The following ADGRL2 variants were observed in gnomAD, a reference collection of about 807,000 sequenced individuals.
ADGRL2 encodes adhesion G protein-coupled receptor L2, also known as calcium-independent alpha-latrotoxin receptor 2.
ADGRL2 carries 44 observed loss-of-function variants against 157.4 expected under a neutral mutation model. The observed-to-expected ratio is 0.28, with a 90% CI of 0.22 to 0.36. ADGRL2 has a LOEUF of 0.36. Among genes scored for constraint, ADGRL2 ranks in the 10% least tolerant of loss-of-function variants. The probability of loss-of-function intolerance (pLI) is 1.00; values close to 1 mark genes in which losing one functional copy is unlikely to be tolerated. For missense variants in ADGRL2, 1,510 were observed against 1,768.9 expected (o/e 0.85, Z 2.63); for synonymous variants, 585 against 624.7 (o/e 0.94, Z 0.95).
chr1:81,620,359 G>T (rs2081764081), intron 3 of ADGRL2, among the ~76,000 whole-genome samples: 1 of 152,188 alleles, frequency 6.6e-6, no homozygotes, highest in Admixed American at 6.5e-5. Flanking sequence ...AGCATATGAA[G>T]TACATGGTTT....
chr1:81,668,625 G>A (rs2082802879), intron 3 of ADGRL2, among the ~76,000 whole-genome samples: 1 of 152,162 alleles, frequency 6.6e-6, no homozygotes, highest in South Asian at 2.1e-4. Flanking sequence ...GTGCAGTGGT[G>A]TGATCTTGGC....
At chr1:81,810,148 C>T (rs1243327744) in intron 1 of ADGRL2, among the ~76,000 whole-genome samples, 4 of 151,882 alleles carry the variant, frequency 2.6e-5, no homozygotes, top group African/African-American at 9.7e-5. Context: ...ATTCTGTTTT[C>T]TTCATAAAGT....
intron 2 of ADGRL2, among the ~76,000 whole-genome samples, chr1:81,454,548 T>A (rs1294370057): frequency 6.6e-6 from 1 of 152,178 alleles, no homozygotes; most frequent in African/African-American, 2.4e-5. Flanking sequence ...AGCAGAACAT[T>A]TCAGACTTAG....
chr1:81,940,071 T>C (rs1335024951), intron 4 of ADGRL2, among the ~76,000 whole-genome samples: 3 of 151,568 alleles, frequency 2.0e-5, no homozygotes, highest in East Asian at 1.9e-4. Context: ...CCTAACTACA[T>C]TGTAATTTTA....
intron 3 of ADGRL2, among the ~76,000 whole-genome samples, chr1:81,616,888 G>A (rs2081665793): frequency 6.6e-6 from 1 of 152,028 alleles, no homozygotes; most frequent in African/African-American, 2.4e-5. Context: ...ATTTTGCCCA[G>A]GCTGGTCGCA....
In ADGRL2 at chr1:81,409,065, G is replaced by A. The variant is rs564620303; in HGVS notation, c.-301-35971G>A. Among the ~76,000 whole-genome samples the A allele has an allele frequency of 5.3e-5, 8 of 152,160 alleles. No homozygotes were observed. In the East Asian group the frequency reaches 1.5e-3, roughly 29 times the overall value. Reference sequence around the variant, plus strand: ...TTCCATAGGCTTGTGTTAAAATATAGCACACACACACCTAATAATCTAATG... The same window carrying A: ...TTCCATAGGCTTGTGTTAAAATATAACACACACACACCTAATAATCTAATG... On this transcript the variant is annotated intron_variant, in intron 1 of 24. Coordinates refer to the ADGRL2 transcript ENST00000370721.
intron 1 of ADGRL2, among the ~76,000 whole-genome samples, chr1:81,318,656 G>A (rs1356721864): frequency 2.0e-5 from 3 of 151,916 alleles, no homozygotes; most frequent in Non-Finnish European, 4.4e-5. Flanking sequence ...ATGAATCCAG[G>A]GTTTCTTTAG....
At chr1:81,721,166 C>CCCG (rs1247437182) in intron 1 of ADGRL2, among the ~76,000 whole-genome samples, 4 of 150,968 alleles carry the variant, frequency 2.6e-5, no homozygotes, top group African/African-American at 9.7e-5. Context: ...GCCACCGCAC[C>CCCG]CCGCCAGATT....
At chr1:81,729,465 C>T (rs182734089) in intron 1 of ADGRL2, among the ~76,000 whole-genome samples, 3 of 152,258 alleles carry the variant, frequency 2.0e-5, no homozygotes, top group Non-Finnish European at 4.4e-5. Flanking sequence ...AAAAGAACTA[C>T]CTCTTGCAAT....
intron 1 of ADGRL2, among the ~76,000 whole-genome samples, chr1:81,712,615 G>A (rs2083967342): frequency 6.6e-6 from 1 of 152,138 alleles, no homozygotes; most frequent in African/African-American, 2.4e-5. Flanking sequence ...TAAGCCAGCT[G>A]TGTCTAACTG....
chr1:81,847,285 T>G (rs1443849958), intron 2 of ADGRL2, among the ~76,000 whole-genome samples: 1 of 151,936 alleles, frequency 6.6e-6, no homozygotes, highest in African/African-American at 2.4e-5. Flanking sequence ...CTTGTTAAAA[T>G]GTAGATTCTT....
Position 81,951,062 on chromosome 1 carries a change from C to T in ADGRL2, c.1549C>T (p.Pro517Ser). Residue 517 changes from proline to serine, a missense_variant, in exon 8 of 24, where the codon CCT (proline) becomes TCT (serine). By Grantham distance (74) the Pro-to-Ser change is moderately conservative. Coordinates refer to ENST00000686636, the MANE Select transcript of ADGRL2 (RefSeq NM_001366006.2). Reference protein sequence around the residue: ...LCMISTGTWNPKGPDLSNCTS... With the variant: ...LCMISTGTWNSKGPDLSNCTS... ...CATGATTTCCACTGGAACATGGAAC[C>T]CTAAGGGCCCCGATCTTAGCAACTG... 6.2e-7 allele frequency: 1 copy of T among 1,613,442 alleles called. No individual in the cohort carries two copies. Among genetic ancestry groups the T allele is most frequent in the Non-Finnish European group, 8.5e-7 (1 of 1,179,494 alleles).
At chr1:81,455,106 C>G (rs2077776838) in intron 2 of ADGRL2, among the ~76,000 whole-genome samples, 2 of 152,172 alleles carry the variant, frequency 1.3e-5, no homozygotes, top group Non-Finnish European at 2.9e-5. Context: ...AAGAGAGAAG[C>G]AAGTACTTTC....
chr1:81,823,740 A>G (rs2091217134), intron 1 of ADGRL2, among the ~76,000 whole-genome samples: 1 of 152,114 alleles, frequency 6.6e-6, no homozygotes, highest in Non-Finnish European at 1.5e-5. Context: ...AAGGAACAGT[A>G]GTTAGCCAAG....
intron 3 of ADGRL2, among the ~76,000 whole-genome samples, chr1:81,915,459 C>T (rs948134742): frequency 1.1e-4 from 16 of 152,124 alleles, no homozygotes; most frequent in African/African-American, 3.9e-4. Flanking sequence ...TGAATTGGCT[C>T]ATTTTCACTG....
intron 1 of ADGRL2, among the ~76,000 whole-genome samples, chr1:81,702,720 A>G (rs1354090487): frequency 2.0e-5 from 3 of 152,204 alleles, no homozygotes; most frequent in South Asian, 2.1e-4. Context: ...AAAATATTAA[A>G]AAATATTTGT....
intron 1 of ADGRL2, among the ~76,000 whole-genome samples, chr1:81,395,573 A>G (rs1183562985): frequency 6.6e-6 from 1 of 152,018 alleles, no homozygotes; most frequent in Non-Finnish European, 1.5e-5. Context: ...CCGTTTGTCT[A>G]TTCTTGCTGT....
intron 3 of ADGRL2, among the ~76,000 whole-genome samples, chr1:81,666,930 C>T (rs1246540699): frequency 6.6e-6 from 1 of 152,106 alleles, no homozygotes; most frequent in Non-Finnish European, 1.5e-5. Flanking sequence ...AGAAGGTATA[C>T]ATCATATCCT....
At chr1:81,540,943 G>T (rs1444062102) in intron 2 of ADGRL2, among the ~76,000 whole-genome samples, 1 of 152,046 alleles carries the variant, frequency 6.6e-6, no homozygotes, top group Non-Finnish European at 1.5e-5. Context: ...TGTATAAAGT[G>T]CAATTTTAAA....
Sources: gnomAD v4.1 joint callset for allele counts (sites outside exome capture counted in the v4.1 genomes callset) on GRCh38, gnomAD v4.1.1 for gene constraint, MANE v1.5 for transcripts, NCBI Gene and HGNC (gene_info 2026-07-23, HGNC 2026-07-21) for gene names.